Variants in OPCML observed in about 807,000 individuals in gnomAD.
OPCML encodes opioid binding protein/cell adhesion molecule like.
A neutral mutation model predicts 37.8 loss-of-function variants in OPCML; 13 were observed. The observed-to-expected ratio is 0.34, with a 90% CI of 0.22 to 0.55. The LOEUF (loss-of-function observed/expected upper bound fraction) is 0.55, where lower values mean the gene tolerates loss of function less well. Ranked by LOEUF, OPCML falls within the 20% of genes least tolerant of loss-of-function variation. The probability of loss-of-function intolerance (pLI) is 0.91; values close to 1 mark genes in which losing one functional copy is unlikely to be tolerated. For missense variants in OPCML, 341 were observed against 435.6 expected, an observed-to-expected ratio of 0.78 and a Z score of 1.93; for synonymous variants, 176 against 168.8, an observed-to-expected ratio of 1.04 and a Z score of -0.33.
At chr11:132,858,701 G>T (rs1274627397) in intron 2 of OPCML, among the ~76,000 whole-genome samples, 1 of 152,170 alleles carries the variant, frequency 6.6e-6, no homozygotes, top group African/African-American at 2.4e-5. Context: ...CATGGGTGAT[G>T]AATTCTCCTT....
chr11:133,415,409 A>G (rs1164239567), intron 1 of OPCML, among the ~76,000 whole-genome samples: 1 of 122,536 alleles, frequency 8.2e-6, no homozygotes, highest in South Asian at 2.4e-4. Context: ...GACTTCGTCT[A>G]AAAAAAAAAA....
At chr11:132,935,156 A>G (rs1945329686) in intron 2 of OPCML, among the ~76,000 whole-genome samples, 1 of 151,700 alleles carries the variant, frequency 6.6e-6, no homozygotes, top group African/African-American at 2.4e-5. Context: ...AAAAAAAAAA[A>G]GCTACATATT....
intron 1 of OPCML, among the ~76,000 whole-genome samples, chr11:133,033,162 C>A (rs147097030): frequency 6.6e-6 from 1 of 152,124 alleles, no homozygotes; most frequent in African/African-American, 2.4e-5. Flanking sequence ...AGTCTGGGTT[C>A]CATTGCCTGC....
At chr11:132,553,380 T>G (rs1256013572) in intron 3 of OPCML, among the ~76,000 whole-genome samples, 1 of 152,166 alleles carries the variant, frequency 6.6e-6, no homozygotes, top group Non-Finnish European at 1.5e-5. Context: ...CATTTACTCC[T>G]AAGTCGGTGT....
chr11:132,886,802 A>G (rs1943439849), intron 2 of OPCML, among the ~76,000 whole-genome samples: 1 of 152,140 alleles, frequency 6.6e-6, no homozygotes, highest in Non-Finnish European at 1.5e-5. Context: ...AATTGCCACA[A>G]CTGTTTTAAA....
At chr11:132,424,027 A>G (rs2095969158) in intron 7 of OPCML, among the ~76,000 whole-genome samples, 1 of 152,202 alleles carries the variant, frequency 6.6e-6, no homozygotes. Flanking sequence ...GAATTTCAAT[A>G]TATAGGGTCA....
intron 1 of OPCML, among the ~76,000 whole-genome samples, chr11:133,192,388 GAGAAAC>G (rs1203424290): frequency 6.6e-6 from 1 of 152,202 alleles, no homozygotes; most frequent in Non-Finnish European, 1.5e-5. Flanking sequence ...AGGTCTGGAA[GAGAAAC>G]AGATCTAAGT....
chr11:133,100,773 G>C (rs1949074059), intron 1 of OPCML, among the ~76,000 whole-genome samples: 1 of 152,160 alleles, frequency 6.6e-6, no homozygotes, highest in Non-Finnish European at 1.5e-5. Context: ...TTACAAAAAT[G>C]AATGCAGACA....
chr11:133,024,893 A>T (rs1947521982), intron 1 of OPCML: 2 of 985,448 alleles, frequency 2.0e-6, no homozygotes, highest in Non-Finnish European at 2.4e-6. Context: ...AATAGAGTGC[A>T]TAAAGATTAT....
intron 1 of OPCML, among the ~76,000 whole-genome samples, chr11:133,116,805 C>CATACAT (rs1280351007): frequency 2.4e-4 from 35 of 144,174 alleles, no homozygotes; most frequent in African/African-American, 5.2e-4. Context: ...TAAAACTATA[C>CATACAT]ATATATATAT....
chr11:132,877,638 T>C (rs1182326198), intron 2 of OPCML, among the ~76,000 whole-genome samples: 1 of 152,194 alleles, frequency 6.6e-6, no homozygotes, highest in African/African-American at 2.4e-5. Context: ...TCAAGTCCTA[T>C]GGGAAGCTGG....
chr11:132,792,527 G>A (rs1937988669), intron 2 of OPCML, among the ~76,000 whole-genome samples: 1 of 152,222 alleles, frequency 6.6e-6, no homozygotes, highest in Admixed American at 6.5e-5. Flanking sequence ...GAAAAAGGGT[G>A]TGGCCATTCC....
At chr11:132,850,976 A>G (rs1591701646) in intron 2 of OPCML, among the ~76,000 whole-genome samples, 1 of 152,318 alleles carries the variant, frequency 6.6e-6, no homozygotes, top group East Asian at 1.9e-4. Flanking sequence ...ATAGGCCCCC[A>G]TGGGGTCTGC....
At chr11:133,248,333 G>T (rs1336690732) in intron 1 of OPCML, among the ~76,000 whole-genome samples, 4 of 152,248 alleles carry the variant, frequency 2.6e-5, no homozygotes, top group African/African-American at 9.6e-5. Context: ...TTGAGCAGAA[G>T]GTGGGACACC....
intron 4 of OPCML, among the ~76,000 whole-genome samples, chr11:132,508,545 T>C (rs2137165103): frequency 6.6e-6 from 1 of 152,298 alleles, no homozygotes; most frequent in Admixed American, 6.5e-5. Flanking sequence ...CTAAATCTCA[T>C]CTTGCATTGT....
intron 1 of OPCML, among the ~76,000 whole-genome samples, chr11:133,512,664 G>A (rs1002730560): frequency 7.2e-5 from 11 of 152,134 alleles, no homozygotes; most frequent in Admixed American, 3.3e-4. Context: ...GTCCATCCAG[G>A]AGCCTACCAA....
chr11:132,648,662 C>T (rs1180782991), intron 3 of OPCML, among the ~76,000 whole-genome samples: 1 of 152,030 alleles, frequency 6.6e-6, no homozygotes, highest in Non-Finnish European at 1.5e-5. Context: ...CCACCATGCC[C>T]AGCTAATTTT....
intron 4 of OPCML, among the ~76,000 whole-genome samples, chr11:132,511,190 T>A (rs2096268077): frequency 1.3e-5 from 2 of 152,156 alleles, no homozygotes; most frequent in Admixed American, 1.3e-4. Flanking sequence ...TTGAGATTTT[T>A]AAAATTTCCT....
chr11:132,511,756 T>C (rs903705056), intron 4 of OPCML, among the ~76,000 whole-genome samples: 5 of 152,092 alleles, frequency 3.3e-5, no homozygotes, highest in Admixed American at 6.6e-5. Flanking sequence ...CTAACTCACA[T>C]GGATCTTACA....
Sources: gnomAD v4.1 joint callset for allele counts (sites outside exome capture counted in the v4.1 genomes callset) on GRCh38, gnomAD v4.1.1 for gene constraint, MANE v1.5 for transcripts, NCBI Gene and HGNC (gene_info 2026-07-23, HGNC 2026-07-21) for gene names.